The following DLG2 variants were observed in gnomAD, a reference collection of about 807,000 sequenced individuals.
DLG2 encodes the protein discs large MAGUK scaffold protein 2.
A neutral mutation model predicts 132.5 loss-of-function variants in DLG2; 45 were observed. That is an observed-to-expected ratio of 0.34 (90% CI 0.27 to 0.44). The LOEUF is 0.44. Ranked by LOEUF, DLG2 falls within the 20% of genes least tolerant of loss-of-function variation. The pLI, the probability that DLG2 is intolerant of heterozygous loss-of-function variation, is 1.00. For synonymous variants in DLG2, 424 were observed against 419.6 expected (o/e 1.01, Z -0.13); for missense variants, 1,045 against 1,196.9 (o/e 0.87, Z 1.87).
At chr11:85,552,744 T>TA (rs1036279683) in intron 3 of DLG2, among the ~76,000 whole-genome samples, 2 of 150,752 alleles carry the variant, frequency 1.3e-5, no homozygotes, top group Non-Finnish European at 3.0e-5. Flanking sequence ...TCCAATACAA[T>TA]AAAAAAATAG....
chr11:84,189,490 T>A (rs573282782), intron 8 of DLG2, among the ~76,000 whole-genome samples: 13 of 152,126 alleles, frequency 8.5e-5, no homozygotes, highest in African/African-American at 3.1e-4. Flanking sequence ...CCAAGGAATA[T>A]AAATCATTCT....
chr11:83,505,763 A>G (rs1254550256), intron 21 of DLG2, among the ~76,000 whole-genome samples: 1 of 152,166 alleles, frequency 6.6e-6, no homozygotes, highest in Non-Finnish European at 1.5e-5. Context: ...CACTGGGAAG[A>G]TTTCCCTTCA....
intron 4 of DLG2, among the ~76,000 whole-genome samples, chr11:85,282,563 T>G (rs930793874): frequency 2.0e-5 from 3 of 151,810 alleles, no homozygotes; most frequent in African/African-American, 7.3e-5. Flanking sequence ...ATCAGTTACC[T>G]TGCATGCAGG....
At chr11:85,250,347 A>G (rs1001554681) in intron 4 of DLG2, among the ~76,000 whole-genome samples, 2 of 152,290 alleles carry the variant, frequency 1.3e-5, no homozygotes, top group African/African-American at 4.8e-5. Context: ...GCTCTAGGTT[A>G]ATGTACAATT....
intron 4 of DLG2, among the ~76,000 whole-genome samples, chr11:85,211,997 C>T (rs967835779): frequency 2.0e-5 from 3 of 151,808 alleles, no homozygotes; most frequent in African/African-American, 7.3e-5. Context: ...TGCTTATCTA[C>T]CTAATTGTAA....
chr11:83,475,766 T>TC (rs955235734), intron 22 of DLG2, among the ~76,000 whole-genome samples: 2 of 149,816 alleles, frequency 1.3e-5, no homozygotes, highest in Non-Finnish European at 2.9e-5. Flanking sequence ...TTCTTTTTCT[T>TC]TTGCTGTTGT....
At chr11:85,547,234 A>C (rs183654779) in intron 3 of DLG2, among the ~76,000 whole-genome samples, 64 of 152,174 alleles carry the variant, frequency 4.2e-4, no homozygotes, top group African/African-American at 1.5e-3. Context: ...AAAGGGTTTT[A>C]TTTCTCCTTC....
At chr11:83,838,559 C>G (rs1467340178) in intron 16 of DLG2, among the ~76,000 whole-genome samples, 3 of 152,166 alleles carry the variant, frequency 2.0e-5, no homozygotes, top group Non-Finnish European at 4.4e-5. Context: ...CTGAATTTGA[C>G]TCATAATATT....
chr11:84,478,700 C>T (rs1369072196), intron 7 of DLG2, among the ~76,000 whole-genome samples: 3 of 151,704 alleles, frequency 2.0e-5, no homozygotes, highest in Non-Finnish European at 2.9e-5. Flanking sequence ...GAGTTAATGC[C>T]GGGACTAGAA....
In DLG2 at chr11:83,711,507, C is replaced by T. The variant is rs139117701; in HGVS notation, c.1825+75183G>A. 2.8e-3 allele frequency among the ~76,000 whole-genome samples: 394 copies of T among 138,968 alleles called. 3 individuals carry two copies. Among genetic ancestry groups the T allele is most frequent in the African/African-American group, 9.6e-3 (359 of 37,370 alleles). 91.2% of individuals were successfully genotyped at this position (138,968 alleles called of 152,430 possible). A position where few individuals can be genotyped will look rare whatever the true frequency, so the allele number is the denominator to read the frequency against. ...TAGATCAAGTTCACCCTGTGGGAAC[C>T]CTGCAAGTTTGCTGGTGAGTTTTAT... On this transcript the variant is annotated intron_variant, in intron 18 of 27. Transcript: ENST00000376104.
intron 8 of DLG2, among the ~76,000 whole-genome samples, chr11:84,210,432 G>T (rs1018708561): frequency 1.3e-5 from 2 of 150,586 alleles, no homozygotes; most frequent in South Asian, 2.1e-4. Context: ...ATATACCTAA[G>T]GCTAGATGAC....
chr11:85,122,950 T>TATATATATATATATA (rs2074529421), intron 5 of DLG2, among the ~76,000 whole-genome samples: 1 of 18,498 alleles, frequency 5.4e-5, no homozygotes, highest in Non-Finnish European at 8.7e-5. Flanking sequence ...GTATATATAT[T>TATATATATATATATA]ATATATATAT....
chr11:84,605,552 A>C (rs891286082), intron 6 of DLG2, among the ~76,000 whole-genome samples: 1 of 151,104 alleles, frequency 6.6e-6, no homozygotes, highest in Non-Finnish European at 1.5e-5. Context: ...ATAAGCATCC[A>C]TTTATGAGGG....
intron 6 of DLG2, among the ~76,000 whole-genome samples, chr11:84,938,875 A>G (rs1488873610): frequency 6.6e-6 from 1 of 152,216 alleles, no homozygotes; most frequent in East Asian, 1.9e-4. Context: ...TAAATTATAA[A>G]CATAGATAAA....
chr11:85,445,899 C>T (rs2091987567), intron 3 of DLG2, among the ~76,000 whole-genome samples: 1 of 152,174 alleles, frequency 6.6e-6, no homozygotes, highest in Admixed American at 6.5e-5. Flanking sequence ...CCATTACTCA[C>T]ACATTGCTCT....
At chr11:85,407,275 G>A (rs181441168) in intron 3 of DLG2, among the ~76,000 whole-genome samples, 1 of 151,854 alleles carries the variant, frequency 6.6e-6, no homozygotes, top group Non-Finnish European at 1.5e-5. Context: ...CATGTTAAAA[G>A]GTAGTAAAGG....
chr11:84,507,117 T>C (rs939666186), intron 7 of DLG2, among the ~76,000 whole-genome samples: 4 of 152,202 alleles, frequency 2.6e-5, no homozygotes, highest in Non-Finnish European at 4.4e-5. Flanking sequence ...TGGCATCAAG[T>C]TTCTATATAC....
In DLG2 at chr11:83,783,987, A is replaced by G. The variant is rs187348933; in HGVS notation, c.1825+2703T>C. On this transcript the variant is annotated intron_variant, in intron 18 of 27. Coordinates refer to ENST00000376104, the MANE Select transcript of DLG2 (RefSeq NM_001142699.3). ...CTTGAAGACAAAGACTATGCTTATT[A>G]CTTAAGGTTAGGGGCAGATTTTTGT... Among the ~76,000 whole-genome samples, 408 of 152,322 alleles carry G rather than the reference A, an allele frequency of 2.7e-3. 2 individuals carry two copies. The highest frequency in any genetic ancestry group is 9.5e-3 in the African/African-American group (393 of 41,584).
intron 6 of DLG2, among the ~76,000 whole-genome samples, chr11:85,019,286 G>A (rs2059829144): frequency 6.6e-6 from 1 of 152,140 alleles, no homozygotes; most frequent in African/African-American, 2.4e-5. Context: ...GTCAAAGGAA[G>A]TGAAAATGGG....
Sources: allele counts gnomAD v4.1 joint callset (sites outside exome capture counted in the v4.1 genomes callset), GRCh38; gene constraint gnomAD v4.1.1; transcripts MANE v1.5; gene names NCBI Gene and HGNC (gene_info 2026-07-23, HGNC 2026-07-21).